DIP2C: variants seen among roughly 807,000 people sequenced by gnomAD.
DIP2C encodes the protein disco-interacting protein 2 homolog C.
A neutral mutation model predicts 192.4 loss-of-function variants in DIP2C; 33 were observed. The observed-to-expected ratio is 0.17, with a 90% CI of 0.13 to 0.23. The LOEUF (loss-of-function observed/expected upper bound fraction) is 0.23, where lower values mean the gene tolerates loss of function less well. Ranked by LOEUF, DIP2C falls within the 10% of genes least tolerant of loss-of-function variation. DIP2C has a pLI of 1.00. For synonymous variants in DIP2C, 979 were observed against 864.1 expected (o/e 1.13, Z -2.33); for missense variants, 1,537 against 2,110.1 (o/e 0.73, Z 5.32).
chr10:294,498 G>T (rs748227238), intron 32 of DIP2C, among the ~76,000 whole-genome samples: 1 of 151,850 alleles, frequency 6.6e-6, no homozygotes, highest in Admixed American at 6.6e-5. Flanking sequence ...TCCCAACTAC[G>T]TGGGAGTATC....
At chr10:465,893 A>C (rs2133402879) in intron 3 of DIP2C, among the ~76,000 whole-genome samples, 1 of 152,108 alleles carries the variant, frequency 6.6e-6, no homozygotes, top group Non-Finnish European at 1.5e-5. Context: ...AAAAGAGGAT[A>C]CAAACAAATG....
In DIP2C at chr10:651,791, T is replaced by C; in HGVS notation, c.85+37703A>G. 1 of 254,654 alleles carries C rather than the reference T, an allele frequency of 3.9e-6. No individual in the cohort carries two copies. The highest frequency in any genetic ancestry group is 7.7e-6 in the Non-Finnish European group (1 of 130,498). 15.8% of individuals were successfully genotyped at this position (254,654 alleles called of 1,614,324 possible). On this transcript the variant is annotated intron_variant, in intron 1 of 36. Coordinates refer to ENST00000280886, the MANE Select transcript of DIP2C (RefSeq NM_014974.3). The surrounding 1 kb of genome is among the most constrained non-coding windows in gnomAD (Gnocchi z 4.1). ...CATCGCCCACCCAGGTCATCAGTCA[T>C]CATCAGCAGCAGCTGCGGCATGAGA...
intron 1 of DIP2C, among the ~76,000 whole-genome samples, chr10:672,002 CA>C (rs983588672): frequency 6.8e-6 from 1 of 146,252 alleles, no homozygotes; most frequent in African/African-American, 2.6e-5. Flanking sequence ...GCCATAGACG[CA>C]CGGACGGAGG....
intron 1 of DIP2C, among the ~76,000 whole-genome samples, chr10:574,826 G>C (rs559163481): frequency 6.6e-6 from 1 of 152,172 alleles, no homozygotes; most frequent in African/African-American, 2.4e-5. Flanking sequence ...ATCGCAACGC[G>C]GTTTCCTGTT....
intron 9 of DIP2C, among the ~76,000 whole-genome samples, chr10:401,196 C>G (rs1363525081): frequency 6.6e-6 from 1 of 151,412 alleles, no homozygotes; most frequent in East Asian, 1.9e-4. Context: ...TGTGTGGTAG[C>G]ATTAGCATTA....
At chr10:394,494 T>TG (rs1963795927) in intron 10 of DIP2C, among the ~76,000 whole-genome samples, 8 of 140,814 alleles carry the variant, frequency 5.7e-5, no homozygotes, top group Non-Finnish European at 9.3e-5. Context: ...AAGGACATTA[T>TG]GCCACACAGT....
chr10:510,087 G>A (rs952148278), intron 1 of DIP2C, among the ~76,000 whole-genome samples: 1 of 152,222 alleles, frequency 6.6e-6, no homozygotes, highest in Non-Finnish European at 1.5e-5. Context: ...CGAACGGAGG[G>A]AGTTATCTGT....
At chr10:580,904 ACT>A (rs1564226796) in intron 1 of DIP2C, among the ~76,000 whole-genome samples, 1 of 152,212 alleles carries the variant, frequency 6.6e-6, no homozygotes, top group Non-Finnish European at 1.5e-5. Context: ...GTCAGGACTG[ACT>A]CACGATGAAG....
chr10:576,813 A>G (rs1348597187), intron 1 of DIP2C, among the ~76,000 whole-genome samples: 1 of 152,306 alleles, frequency 6.6e-6, no homozygotes, highest in African/African-American at 2.4e-5. Flanking sequence ...AAGCTGAAGC[A>G]TAAGAATCTC....
At chr10:606,123 C>T (rs1474097879) in intron 1 of DIP2C, among the ~76,000 whole-genome samples, 1 of 152,248 alleles carries the variant, frequency 6.6e-6, no homozygotes, top group Non-Finnish European at 1.5e-5. Flanking sequence ...CCCACGAACC[C>T]GTTTCTCCTC....
intron 1 of DIP2C, among the ~76,000 whole-genome samples, chr10:515,640 C>T (rs116750145): frequency 6.9e-4 from 105 of 152,244 alleles, no homozygotes; most frequent in African/African-American, 2.4e-3. Context: ...GGAAGAACTG[C>T]CTGAACCCGG....
rs1962483022 is a variant in DIP2C at position 382,630 on chromosome 10, T to TCA, written c.1991+15_1991+16dup. ...ACTGTCTCTAGGTTATCTACGTAAA[T>TCA]CAACATGACCCAGTACCTCCGGATG... is the stretch of plus-strand genomic sequence containing the variant. On this transcript the variant is annotated intron_variant, in intron 17 of 36. Transcript: ENST00000280886. 1 of 1,596,688 alleles carries TCA rather than the reference T, an allele frequency of 6.3e-7. No individual in the cohort carries two copies. The highest frequency in any genetic ancestry group is 1.3e-5 in the African/African-American group (1 of 74,708).
At chr10:496,457 C>A (rs964577541) in intron 1 of DIP2C, among the ~76,000 whole-genome samples, 2 of 151,250 alleles carry the variant, frequency 1.3e-5, no homozygotes, top group Non-Finnish European at 2.9e-5. Flanking sequence ...TCGCAATACC[C>A]CAAACAATGT....
intron 13 of DIP2C, among the ~76,000 whole-genome samples, chr10:389,187 G>A (rs1429761240): frequency 6.6e-6 from 1 of 151,704 alleles, no homozygotes; most frequent in Non-Finnish European, 1.5e-5. Flanking sequence ...GGCATCCCAA[G>A]GGATCTCAGG....
chr10:645,776 G>A (rs1226386714), intron 1 of DIP2C, among the ~76,000 whole-genome samples: 1 of 152,138 alleles, frequency 6.6e-6, no homozygotes, highest in Admixed American at 6.5e-5. Context: ...AATGGGGGGG[G>A]CTATTTTGCC....
chr10:289,496 G>A (rs1955365389), intron 32 of DIP2C, among the ~76,000 whole-genome samples: 1 of 152,152 alleles, frequency 6.6e-6, no homozygotes. Flanking sequence ...TCAAGCTCCT[G>A]GTCTCAGATG....
intron 1 of DIP2C, among the ~76,000 whole-genome samples, chr10:552,098 G>A (rs946168004): frequency 6.6e-6 from 1 of 152,214 alleles, no homozygotes; most frequent in Admixed American, 6.5e-5. Flanking sequence ...AATCTAAGCT[G>A]GGTTGCTGGA....
chr10:406,180 C>G (rs1964794440), intron 9 of DIP2C, among the ~76,000 whole-genome samples: 1 of 152,222 alleles, frequency 6.6e-6, no homozygotes, highest in Non-Finnish European at 1.5e-5. Flanking sequence ...CTTAAGACTA[C>G]AAACCACATT....
At chr10:393,046 G>C (rs565566142) in intron 10 of DIP2C, among the ~76,000 whole-genome samples, 2 of 152,322 alleles carry the variant, frequency 1.3e-5, no homozygotes, top group East Asian at 3.9e-4. Context: ...CTGGACTAGT[G>C]GCTTTCCTGA....
Sources: allele counts gnomAD v4.1 joint callset (sites outside exome capture counted in the v4.1 genomes callset), GRCh38; gene constraint gnomAD v4.1.1; non-coding constraint Gnocchi (gnomAD v3.1); transcripts MANE v1.5; gene names NCBI Gene and HGNC (gene_info 2026-07-23, HGNC 2026-07-21).